The following SLC39A10 variants were observed in gnomAD, a reference collection of about 807,000 sequenced individuals.
SLC39A10 encodes the protein solute carrier family 39 member 10, also known as zinc transporter ZIP10.
A neutral mutation model predicts 65.1 loss-of-function variants in SLC39A10; 13 were observed. The ratio of observed to expected loss-of-function variants is 0.20; its 90% CI spans 0.13 to 0.32. The LOEUF is 0.32. Ranked by LOEUF, SLC39A10 falls within the 10% of genes least tolerant of loss-of-function variation. The pLI, the probability that SLC39A10 is intolerant of heterozygous loss-of-function variation, is 1.00. For missense variants in SLC39A10, 831 were observed against 1,018.4 expected, an observed-to-expected ratio of 0.82 and a Z score of 2.50; for synonymous variants, 321 against 342.2, an observed-to-expected ratio of 0.94 and a Z score of 0.68.
chr2:195,700,123 A>G (rs963138702), intron 3 of SLC39A10, among the ~76,000 whole-genome samples: 3 of 152,074 alleles, frequency 2.0e-5, no homozygotes, highest in African/African-American at 4.8e-5. Context: ...ATGTAAAGTG[A>G]GTCTCTTGTA....
intron 8 of SLC39A10, among the ~76,000 whole-genome samples, chr2:195,726,369 A>G (rs1002513357): frequency 1.3e-5 from 2 of 152,194 alleles, no homozygotes; most frequent in East Asian, 3.8e-4. Context: ...CCTCTTTAGC[A>G]CAGTTGGTGT....
At chr2:195,719,434 T>C (rs7603822) in intron 8 of SLC39A10, among the ~76,000 whole-genome samples, 108,451 of 151,988 alleles carry the variant, frequency 0.71, 38,789 homozygotes, top group Non-Finnish European at 0.73. Context: ...CTTTAATTTC[T>C]TCCCATCAGA....
At chr2:195,617,632 A>T (rs1460691761) in intron 2 of SLC39A10, among the ~76,000 whole-genome samples, 3 of 152,174 alleles carry the variant, frequency 2.0e-5, no homozygotes, top group Admixed American at 6.5e-5. Context: ...GCACTTTGGG[A>T]GGCTGAGCTG....
chr2:195,662,080 A>G (rs773301186), intron 1 of SLC39A10, among the ~76,000 whole-genome samples: 2 of 152,180 alleles, frequency 1.3e-5, no homozygotes, highest in Non-Finnish European at 2.9e-5. Flanking sequence ...ATCATTATGT[A>G]CTTCCATAGG....
chr2:195,647,665 G>C (rs549664413), intron 2 of SLC39A10, among the ~76,000 whole-genome samples: 1 of 145,762 alleles, frequency 6.9e-6, no homozygotes, highest in African/African-American at 2.6e-5. Context: ...CTTGCCATGC[G>C]ATACTGTAAT....
chr2:195,684,026 A>G (rs190399584), intron 3 of SLC39A10, 120 bp downstream of exon 3: 7 of 755,944 alleles, frequency 9.3e-6, no homozygotes, highest in Admixed American at 8.9e-5. Context: ...GACTTTAAAT[A>G]TATTTTAATC....
intron 3 of SLC39A10, among the ~76,000 whole-genome samples, chr2:195,684,616 CT>C (rs5837474): frequency 0.061 from 9,265 of 151,782 alleles, 397 homozygotes; most frequent in African/African-American, 0.12. Context: ...TTCTTTTTCT[CT>C]TTTTTTTCTT....
rs1692329135 is a variant in SLC39A10, at chr2:195,728,705, AT to A, written c.2337+358del. ...TTATGGCAAACAGGAGAGAAATACT[AT>A]TCCTGTTAGGTAAGCCAGTCTTCTG... is the stretch of plus-strand genomic sequence containing the variant. On this transcript the variant is annotated intron_variant, in intron 9 of 9. Transcript: ENST00000359634. The surrounding 1 kb of genome is among the most constrained non-coding windows in gnomAD (Gnocchi z 4.4). 6.6e-6 allele frequency among the ~76,000 whole-genome samples: 1 copy of A among 152,196 alleles called. No individual in the cohort carries two copies. Among genetic ancestry groups the A allele is most frequent in the African/African-American group, 2.4e-5 (1 of 41,460 alleles).
At chr2:195,640,621 A>C (rs1026455276) in intron 2 of SLC39A10, among the ~76,000 whole-genome samples, 1 of 152,338 alleles carries the variant, frequency 6.6e-6, no homozygotes, top group African/African-American at 2.4e-5. Flanking sequence ...ATTTGATTTT[A>C]GGTCTCATTT....
Position 195,735,158 on chromosome 2 carries a change from T to A in SLC39A10, c.*117T>A, listed in dbSNP as rs1692551440. On this transcript the variant is annotated 3_prime_UTR_variant, in exon 10 of 10. Coordinates refer to ENST00000359634, the MANE Select transcript of SLC39A10 (RefSeq NM_020342.3). Reference sequence around the variant, plus strand: ...TCAGTGGCTTGCACTACTTACAAGTTTCATAGATTTGAGCCTAACCACAAG... The same window carrying A: ...TCAGTGGCTTGCACTACTTACAAGTATCATAGATTTGAGCCTAACCACAAG... 1 of 1,107,848 alleles carries A rather than the reference T, an allele frequency of 9.0e-7. No individual in the cohort carries two copies. Among genetic ancestry groups the A allele is most frequent in the East Asian group, 2.7e-5 (1 of 36,922 alleles). The allele number at this position is 1,107,848 out of a possible 1,614,324, so 68.6% of individuals were successfully genotyped here.
upstream of SLC39A10, among the ~76,000 whole-genome samples, chr2:195,653,591 G>A (rs1011679439): frequency 6.6e-6 from 1 of 152,086 alleles, no homozygotes; most frequent in African/African-American, 2.4e-5. Context: ...CACCACACTC[G>A]GCCTGTGCCT....
intron 8 of SLC39A10, among the ~76,000 whole-genome samples, chr2:195,725,594 A>T (rs4611655): frequency 0.17 from 26,127 of 152,062 alleles, 2,578 homozygotes; most frequent in African/African-American, 0.26. Context: ...TGGCCCAGTG[A>T]CCCCACTTAA....
upstream of SLC39A10, among the ~76,000 whole-genome samples, chr2:195,653,961 G>A (rs1162505364): frequency 3.3e-5 from 5 of 151,890 alleles, no homozygotes; most frequent in African/African-American, 9.7e-5. Flanking sequence ...TTTTTGAGAC[G>A]GAGTTTTGCT....
chr2:195,657,327 G>T, intron 1 of SLC39A10, 46 bp downstream of exon 1: 1 of 943,840 alleles, frequency 1.1e-6, no homozygotes, highest in Non-Finnish European at 1.3e-6. Context: ...CCCCAGAACC[G>T]GCCCCGTGCG....
intron 3 of SLC39A10, among the ~76,000 whole-genome samples, chr2:195,701,080 T>G (rs1448653379): frequency 7.7e-6 from 1 of 130,462 alleles, no homozygotes; most frequent in Non-Finnish European, 1.6e-5. Context: ...CTGTTGGTGG[T>G]ACCCTCCAGG....
chr2:195,635,552 G>A (rs151296119), intron 2 of SLC39A10, among the ~76,000 whole-genome samples: 8 of 152,284 alleles, frequency 5.3e-5, no homozygotes, highest in African/African-American at 1.2e-4. Context: ...ACTAGAAGCC[G>A]TCTTCTTCAC....
intron 1 of SLC39A10, among the ~76,000 whole-genome samples, chr2:195,679,821 T>C (rs1449141476): frequency 2.6e-5 from 4 of 152,232 alleles, no homozygotes; most frequent in Admixed American, 1.3e-4. Flanking sequence ...AACTAACTTA[T>C]TCTTAAAGAT....
intron 2 of SLC39A10, among the ~76,000 whole-genome samples, chr2:195,646,943 AG>A (rs1688932591): frequency 6.6e-6 from 1 of 152,120 alleles, no homozygotes; most frequent in South Asian, 2.1e-4. Context: ...GGCGCCAAAA[AG>A]GTTGGGGGAC....
intron 3 of SLC39A10, among the ~76,000 whole-genome samples, chr2:195,702,270 T>C (rs1691220309): frequency 6.6e-6 from 1 of 152,066 alleles, no homozygotes; most frequent in African/African-American, 2.4e-5. Context: ...AGATCCTCAA[T>C]ATTTGGGGAG....
Sources: gnomAD v4.1 joint callset for allele counts (sites outside exome capture counted in the v4.1 genomes callset) on GRCh38, gnomAD v4.1.1 for gene constraint, Gnocchi (gnomAD v3.1) non-coding constraint, MANE v1.5 for transcripts, NCBI Gene and HGNC (gene_info 2026-07-23, HGNC 2026-07-21) for gene names.